The following CSF2RA variants were observed in gnomAD, a reference collection of about 807,000 sequenced individuals.
CSF2RA encodes colony stimulating factor 2 receptor subunit alpha, also known as granulocyte-macrophage colony-stimulating factor receptor subunit alpha.
Under a neutral mutation model 51.6 loss-of-function variants are expected in CSF2RA, and 42 were observed. The observed-to-expected ratio is 0.81, with a 90% CI of 0.64 to 1.05. The LOEUF is 1.05. CSF2RA is among the 50% of genes least tolerant of loss of function. CSF2RA has a pLI of 0.00. For missense variants in CSF2RA, 530 were observed against 501.1 expected (o/e 1.06, Z -0.55); for synonymous variants, 222 against 193.0 (o/e 1.15, Z -1.24).
rs867058272 is a variant in CSF2RA at position 1,307,833 on chromosome X, C to T, written c.1126-1569C>T. On this transcript the variant is annotated intron_variant, in intron 12 of 12. Coordinates refer to ENST00000381529, the MANE Select transcript of CSF2RA (RefSeq NM_172245.4). ...TGATTAGATGAGGCCTACCCTTCTC[C>T]CTTTAGACCTTTGACTGATTAGATG... Among the ~76,000 whole-genome samples the T allele has an allele frequency of 1.4e-3, 7 of 4,838 alleles. 1 individual carries two copies. Among genetic ancestry groups the T allele is most frequent in the East Asian group, 0.013 (1 of 80 alleles). 3.2% of individuals were successfully genotyped at this position (4,838 alleles called of 152,430 possible).
At chrX:1,298,574 CTACCCA>C (rs2092141518) in intron 9 of CSF2RA, among the ~76,000 whole-genome samples, 1 of 85,546 alleles carries the variant, frequency 1.2e-5, no homozygotes, top group African/African-American at 4.7e-5. Flanking sequence ...CTACAGTCCC[CTACCCA>C]TGACCTCTGG....
chrX:1,308,935 GA>G (rs1367072391), intron 12 of CSF2RA, among the ~76,000 whole-genome samples: 2 of 152,134 alleles, frequency 1.3e-5, no homozygotes, highest in Non-Finnish European at 2.9e-5. Flanking sequence ...TTTACCCCAG[GA>G]AAAACCCATG....
the CSF2RA span, among the ~76,000 whole-genome samples, chrX:1,323,115 C>T: frequency 6.8e-5 from 8 of 117,286 alleles, no homozygotes; most frequent in South Asian, 2.8e-4. Flanking sequence ...AGCGACAGAG[C>T]GAGATTCCGT....
At position 1,309,490 on chromosome X, in the gene CSF2RA, G is replaced by A. The variant is rs766957794; in HGVS notation, c.*11G>A. The stretch of plus-strand genomic sequence containing the variant: ...AAGGAAATTACCTGAGACCCAGAGG[G>A]TGTAGGAATGGCATGGACATCTCCG... On this transcript the variant is annotated 3_prime_UTR_variant, in exon 13 of 13. Transcript: ENST00000381529. 1.7e-5 allele frequency: 28 copies of A among 1,613,900 alleles called. No individual in the cohort carries two copies. The highest frequency in any genetic ancestry group is 9.3e-5 in the African/African-American group (7 of 74,932).
intron 4 of CSF2RA, among the ~76,000 whole-genome samples, chrX:1,286,502 G>A (rs1326233667): frequency 2.6e-5 from 4 of 151,952 alleles, no homozygotes; most frequent in Admixed American, 2.6e-4. Context: ...TCGGGAGGCG[G>A]AGGTTGCGGT....
At chrX:1,271,573 G>A (rs1477545260) in intron 1 of CSF2RA, among the ~76,000 whole-genome samples, 3 of 151,658 alleles carry the variant, frequency 2.0e-5, no homozygotes, top group African/African-American at 7.3e-5. Context: ...CTGGAGTGCA[G>A]TGGTGCGATC....
chrX:1,306,088 A>G (rs1431176857), intron 12 of CSF2RA: 7 of 360,114 alleles, frequency 1.9e-5, no homozygotes, highest in African/African-American at 1.5e-4. Context: ...TCTCAAAAGA[A>G]AAAAGAAGGT....
downstream of CSF2RA, among the ~76,000 whole-genome samples, chrX:1,315,264 T>C (rs2084526303): frequency 6.6e-6 from 1 of 151,882 alleles, no homozygotes; most frequent in Non-Finnish European, 1.5e-5. Context: ...ATGATATATA[T>C]AGAAGACAGA....
rs1219497579 is a variant in CSF2RA at position 1,289,055 on chromosome X, G to A, written c.473+167G>A. Reference sequence around the variant, plus strand: ...CGGCTCACTGCAACCTCGACCTCCTGGGTTCAAGCAATTTTCCTGCCTCAG... The same window carrying A: ...CGGCTCACTGCAACCTCGACCTCCTAGGTTCAAGCAATTTTCCTGCCTCAG... On this transcript the variant is annotated intron_variant, in intron 6 of 12. Coordinates refer to ENST00000381529, the MANE Select transcript of CSF2RA (RefSeq NM_172245.4). The A allele has an allele frequency of 1.5e-5, 13 of 870,714 alleles. No individual in the cohort carries two copies. The African/African-American group carries it at 1.5e-4, about 10-fold the overall frequency. The allele number at this position is 870,714 out of a possible 1,614,324, so 53.9% of individuals were successfully genotyped here. A position where few individuals can be genotyped will look rare whatever the true frequency, so the allele number is the denominator to read the frequency against.
At chrX:1,277,142 A>G (rs768857584) in intron 2 of CSF2RA, among the ~76,000 whole-genome samples, 1 of 152,050 alleles carries the variant, frequency 6.6e-6, no homozygotes, top group East Asian at 1.9e-4. Flanking sequence ...GAAGACAGGG[A>G]AAAGAGGTGA....
intron 4 of CSF2RA, 53 bp from the exon 5 acceptor site, chrX:1,288,466 T>C: frequency 6.2e-7 from 1 of 1,613,006 alleles, no homozygotes; most frequent in South Asian, 1.1e-5. Context: ...TGGGAGACTG[T>C]AGGAGACAGA....
Position 1,300,502 on chromosome X carries a change from T to C in CSF2RA, c.822T>C (p.Ser274=). The stretch of plus-strand genomic sequence containing the variant: ...TTTTTCCTCCAAAGATTAATGTTTC[T>C]GGTGATTTGGAAAATAGATACAACT... The part of the protein sequence containing the change: ...PGTENLLINV[S]GDLENRYNFP... Residue 274 remains serine (S), a synonymous_variant, in exon 10 of 13, where the codon TCT becomes TCC. Coordinates refer to ENST00000381529, the MANE Select transcript of CSF2RA (RefSeq NM_172245.4). 6.2e-7 allele frequency: 1 copy of C among 1,613,982 alleles called. No homozygotes were observed. Among genetic ancestry groups the C allele is most frequent in the Non-Finnish European group, 8.5e-7 (1 of 1,179,852 alleles).
At chrX:1,289,049 C>T in intron 6 of CSF2RA, 161 bp downstream of exon 6, 1 of 947,012 alleles carries the variant, frequency 1.1e-6, no homozygotes, top group South Asian at 1.5e-5. Flanking sequence ...GCAACCTCGA[C>T]CTCCTGGGTT....
rs1569494235 is a variant in CSF2RA, at chrX:1,280,868, C to CCTCCTCCTTCTCCTCCTCCTCCTCCTT, written c.-26-1805_-26-1804insCCTTCTCCTCCTCCTCCTCCTTCTCCT. Among the ~76,000 whole-genome samples, 287 of 135,498 alleles carry CCTCCTCCTTCTCCTCCTCCTCCTCCTT rather than the reference C, an allele frequency of 2.1e-3. 13 individuals carry two copies. Among genetic ancestry groups the CCTCCTCCTTCTCCTCCTCCTCCTCCTT allele is most frequent in the African/African-American group, 8.1e-3 (275 of 33,890 alleles). 88.9% of individuals were successfully genotyped at this position (135,498 alleles called of 152,430 possible). A position where few individuals can be genotyped will look rare whatever the true frequency, so the allele number is the denominator to read the frequency against. ...TTCCTCTCCTTCTCCTCCTCCTCCT[C>CCTCCTCCTTCTCCTCCTCCTCCTCCTT]CTCCTTCTCCTGCTCCTTCTCCTCC... On this transcript the variant is annotated intron_variant, in intron 2 of 12. Transcript: ENST00000381529.
intron 7 of CSF2RA, among the ~76,000 whole-genome samples, chrX:1,291,894 C>T (rs1408978325): frequency 6.9e-6 from 1 of 143,898 alleles, no homozygotes; most frequent in South Asian, 2.2e-4. Context: ...CCACGTCCAC[C>T]TGGACCCAGT....
chrX:1,279,920 G>T lies in CSF2RA; in HGVS notation c.-26-2758G>T, dbSNP rs768077544. On this transcript the variant is annotated intron_variant, in intron 2 of 12. Transcript: ENST00000381529. Reference sequence around the variant, plus strand: ...TTCTCCTGCCTCAACCTCCCGAGTAGCTGGGATTACAGGCACCCACCACCC... The same window carrying T: ...TTCTCCTGCCTCAACCTCCCGAGTATCTGGGATTACAGGCACCCACCACCC... Among the ~76,000 whole-genome samples the T allele has an allele frequency of 2.6e-4, 40 of 152,090 alleles. No homozygotes were observed. The East Asian group carries it at 7.6e-3, about 29-fold the overall frequency.
At position 1,285,833 on chromosome X, in the gene CSF2RA, G is replaced by A. The variant is rs184550681; in HGVS notation, c.132G>A (p.Thr44=). 36 of 1,613,362 alleles carry A rather than the reference G, an allele frequency of 2.2e-5. No homozygotes were observed. The East Asian group carries it at 2.7e-4, about 12-fold the overall frequency. The change falls in exon 4 of 13, where the codon ACG becomes ACA. Residue 44 remains threonine (T), a synonymous_variant. Coordinates refer to ENST00000381529, the MANE Select transcript of CSF2RA (RefSeq NM_172245.4). ...TCAATGTGAGGTTTGACTCCAGGACGATGAATTTAAGCTGGGACTGCCAAG... is the reference window on the plus strand; with the variant it reads ...TCAATGTGAGGTTTGACTCCAGGACAATGAATTTAAGCTGGGACTGCCAAG... ...SSLNVRFDSR[T]MNLSWDCQEN...
the CSF2RA span, among the ~76,000 whole-genome samples, chrX:1,318,405 C>T: frequency 2.0e-5 from 3 of 151,312 alleles, no homozygotes; most frequent in Admixed American, 6.6e-5. Flanking sequence ...TCACGTGATC[C>T]GCCCACCTCG....
downstream of CSF2RA, among the ~76,000 whole-genome samples, chrX:1,313,555 C>A (rs1283231106): frequency 6.7e-6 from 1 of 149,266 alleles, no homozygotes; most frequent in African/African-American, 2.4e-5. Context: ...ACTAAAAATA[C>A]AAAAAAAAAA....
Sources: allele counts gnomAD v4.1 joint callset (sites outside exome capture counted in the v4.1 genomes callset), GRCh38; gene constraint gnomAD v4.1.1; transcripts MANE v1.5; gene names NCBI Gene and HGNC (gene_info 2026-07-23, HGNC 2026-07-21).